Variants in PPARGC1A observed in about 807,000 individuals in gnomAD.
The protein encoded by PPARGC1A is PPARG coactivator 1 alpha.
PPARGC1A carries 25 observed loss-of-function variants against 88.7 expected under a neutral mutation model. That is an observed-to-expected ratio of 0.28 (90% confidence interval 0.21 to 0.39). PPARGC1A has a LOEUF of 0.39. PPARGC1A is among the 10% of genes least tolerant of loss of function. The pLI is 1.00. For missense variants in PPARGC1A, 880 were observed against 968.7 expected (o/e 0.91, Z 1.22); for synonymous variants, 363 against 355.6 (o/e 1.02, Z -0.24).
the PPARGC1A span, among the ~76,000 whole-genome samples, chr4:24,458,665 G>A: frequency 5.9e-5 from 9 of 152,192 alleles, no homozygotes; most frequent in South Asian, 1.9e-3. Context: ...CTACTACTGG[G>A]TATTACCCTA....
At chr4:24,320,143 G>C in the PPARGC1A span, among the ~76,000 whole-genome samples, 1 of 152,210 alleles carries the variant, frequency 6.6e-6, no homozygotes, top group South Asian at 2.1e-4. Flanking sequence ...CTAACTAGTA[G>C]ATTTCCTTTG....
chr4:23,975,196 A>G, the PPARGC1A span, among the ~76,000 whole-genome samples: 1 of 152,120 alleles, frequency 6.6e-6, no homozygotes, highest in Non-Finnish European at 1.5e-5. Flanking sequence ...TCAACTGTGA[A>G]GATTTGCGAT....
chr4:23,945,846 G>C, the PPARGC1A span, among the ~76,000 whole-genome samples: 3 of 152,162 alleles, frequency 2.0e-5, no homozygotes, highest in African/African-American at 4.8e-5. Flanking sequence ...AAGAACAAAA[G>C]AAGCCTAACC....
the PPARGC1A span, among the ~76,000 whole-genome samples, chr4:24,050,988 C>T: frequency 6.6e-6 from 1 of 151,886 alleles, no homozygotes; most frequent in African/African-American, 2.4e-5. Flanking sequence ...GAGATGGAGA[C>T]CATCCTGGCT....
At chr4:23,828,338 T>C in intron 5 of PPARGC1A, 62 bp downstream of exon 5, 1 of 1,507,992 alleles carries the variant, frequency 6.6e-7, no homozygotes, top group Non-Finnish European at 9.2e-7. Flanking sequence ...TTCTCAGACT[T>C]TGCATGTGCT....
the PPARGC1A span, among the ~76,000 whole-genome samples, chr4:24,430,402 C>T: frequency 0.016 from 2,501 of 151,746 alleles, 63 homozygotes; most frequent in African/African-American, 0.058. Context: ...GGACTGCAGG[C>T]GCCCGCCACC....
rs762406141 is a variant in PPARGC1A, at chr4:23,814,359, C to G, written c.1124G>C (p.Arg375Pro). The change falls in exon 8 of 13, where the codon CGG becomes CCG. Residue 375 changes from arginine (R) to proline (P), a missense_variant. Physicochemically the swap from Arg to Pro is moderately radical, Grantham distance 103 (BLOSUM62 -2). Transcript: ENST00000264867. ...TGGHEERKTK[R>P]PSLRLFGDHD... The stretch of plus-strand genomic sequence containing the variant: ...GTCACCAAACAGCCGCAGACTGGGC[C>G]GCTTGGTCTTCCTTTCCTCGTGTCC... 13 of 1,613,864 alleles carry G rather than the reference C, an allele frequency of 8.1e-6. No individual in the cohort carries two copies. Among genetic ancestry groups the G allele is most frequent in the Non-Finnish European group, 1.0e-5 (12 of 1,179,974 alleles).
the PPARGC1A span, among the ~76,000 whole-genome samples, chr4:23,977,506 G>T: frequency 6.6e-6 from 1 of 151,974 alleles, no homozygotes; most frequent in African/African-American, 2.4e-5. Flanking sequence ...TCTTATATAG[G>T]GCTACAATGA....
At chr4:24,266,784 T>C in the PPARGC1A span, among the ~76,000 whole-genome samples, 9 of 152,078 alleles carry the variant, frequency 5.9e-5, no homozygotes, top group Non-Finnish European at 1.2e-4. Flanking sequence ...AGATTTAGAA[T>C]AAGCGGCCAT....
chr4:24,147,465 G>A, the PPARGC1A span, among the ~76,000 whole-genome samples: 141 of 152,236 alleles, frequency 9.3e-4, no homozygotes, highest in South Asian at 8.3e-4. Flanking sequence ...CGGCTGTACC[G>A]GGCATAGCTT....
upstream of PPARGC1A, among the ~76,000 whole-genome samples, chr4:23,899,635 T>A (rs1719050935): frequency 6.6e-6 from 1 of 152,042 alleles, no homozygotes; most frequent in Non-Finnish European, 1.5e-5. Flanking sequence ...ATCCCAGAAA[T>A]GTAATGTGAA....
the PPARGC1A span, among the ~76,000 whole-genome samples, chr4:24,379,264 C>T: frequency 6.6e-6 from 1 of 151,950 alleles, no homozygotes; most frequent in African/African-American, 2.4e-5. Flanking sequence ...TAACAAATAC[C>T]AGAGGCTGGA....
the PPARGC1A span, among the ~76,000 whole-genome samples, chr4:24,206,207 T>A: frequency 6.6e-6 from 1 of 152,178 alleles, no homozygotes; most frequent in African/African-American, 2.4e-5. Flanking sequence ...GAAGCTACGT[T>A]AAGATACCAC....
the PPARGC1A span, among the ~76,000 whole-genome samples, chr4:24,057,577 T>C: frequency 9.1e-4 from 138 of 152,146 alleles, no homozygotes; most frequent in Non-Finnish European, 1.6e-3. Flanking sequence ...ATTTACTGAA[T>C]GTTGAACCAT....
At chr4:23,944,476 C>T in the PPARGC1A span, among the ~76,000 whole-genome samples, 1 of 152,130 alleles carries the variant, frequency 6.6e-6, no homozygotes, top group South Asian at 2.1e-4. Flanking sequence ...TACATAACAC[C>T]GACCAGGTAC....
the PPARGC1A span, among the ~76,000 whole-genome samples, chr4:24,187,833 C>A: frequency 6.6e-6 from 1 of 152,134 alleles, no homozygotes; most frequent in Non-Finnish European, 1.5e-5. Context: ...TATATAATCA[C>A]AAATGTTTGA....
At chr4:24,235,852 T>C in the PPARGC1A span, among the ~76,000 whole-genome samples, 4 of 152,140 alleles carry the variant, frequency 2.6e-5, no homozygotes, top group African/African-American at 9.7e-5. Context: ...TCAGCTCAAC[T>C]GAACTGCCTT....
chr4:24,428,765 C>T, the PPARGC1A span, among the ~76,000 whole-genome samples: 1 of 152,172 alleles, frequency 6.6e-6, no homozygotes, highest in African/African-American at 2.4e-5. Context: ...GCTGACACCC[C>T]TCCTCTCTTT....
chr4:24,380,149 G>A, the PPARGC1A span, among the ~76,000 whole-genome samples: 45 of 152,092 alleles, frequency 3.0e-4, no homozygotes, highest in African/African-American at 1.0e-3. Context: ...TATTTAAAGG[G>A]AAACAAAATC....
Sources: gnomAD v4.1 joint callset for allele counts (sites outside exome capture counted in the v4.1 genomes callset) on GRCh38, gnomAD v4.1.1 for gene constraint, MANE v1.5 for transcripts, NCBI Gene and HGNC (gene_info 2026-07-23, HGNC 2026-07-21) for gene names.